Variants in DNASE2B observed in about 807,000 individuals in gnomAD.
The protein encoded by DNASE2B is deoxyribonuclease 2 beta.
In DNASE2B, 43 loss-of-function variants were observed where a neutral mutation model predicts 46.0. That is an observed-to-expected ratio of 0.94 (90% CI 0.73 to 1.21). DNASE2B has a LOEUF of 1.21. DNASE2B is among the 50% of genes most tolerant of loss of function. DNASE2B has a pLI of 0.00. For synonymous variants in DNASE2B, 156 were observed against 152.5 expected (o/e 1.02, Z -0.17); for missense variants, 395 against 414.4 (o/e 0.95, Z 0.41).
intron 3 of DNASE2B, among the ~76,000 whole-genome samples, 189 bp from the exon 4 acceptor site, chr1:84,410,648 TA>T (rs779075257): frequency 1.1e-4 from 16 of 152,236 alleles, no homozygotes; most frequent in Non-Finnish European, 2.2e-4. Flanking sequence ...TTTTTATCAG[TA>T]ATCAGGCAAT....
At chr1:84,403,425 A>G (rs558269334) in intron 2 of DNASE2B, among the ~76,000 whole-genome samples, 1 of 152,320 alleles carries the variant, frequency 6.6e-6, no homozygotes, top group Non-Finnish European at 1.5e-5. Flanking sequence ...TTATTAAGAG[A>G]ATCATTAAGG....
At chr1:84,414,329 T>C (rs1680654409) in intron 5 of DNASE2B, among the ~76,000 whole-genome samples, 199 bp from the exon 6 acceptor site, 1 of 152,242 alleles carries the variant, frequency 6.6e-6, no homozygotes. Context: ...ATAGTAATGA[T>C]GATAATAACT....
At chr1:84,402,554 A>T (rs1438381482) in intron 2 of DNASE2B, among the ~76,000 whole-genome samples, 1 of 152,184 alleles carries the variant, frequency 6.6e-6, no homozygotes, top group Non-Finnish European at 1.5e-5. Context: ...TTTCAAAATG[A>T]TATGTTGAAA....
intron 3 of DNASE2B, among the ~76,000 whole-genome samples, chr1:84,409,599 C>T (rs1342332955): frequency 6.6e-6 from 1 of 152,090 alleles, no homozygotes; most frequent in African/African-American, 2.4e-5. Context: ...ACTTTGAAAG[C>T]TTTTTATTTA....
chr1:84,405,335 A>C (rs1457297517), intron 2 of DNASE2B, among the ~76,000 whole-genome samples: 1 of 152,222 alleles, frequency 6.6e-6, no homozygotes, highest in Non-Finnish European at 1.5e-5. Flanking sequence ...CTATAAAAGT[A>C]TTTTGTAAAA....
intron 1 of DNASE2B, 108 bp downstream of exon 1, chr1:84,398,797 T>G: frequency 6.8e-7 from 1 of 1,479,972 alleles, no homozygotes; most frequent in South Asian, 1.3e-5. Context: ...TTTCCTCCCT[T>G]TACAAATAAA....
At chr1:84,402,613 T>C (rs1035506774) in intron 2 of DNASE2B, among the ~76,000 whole-genome samples, 2 of 152,192 alleles carry the variant, frequency 1.3e-5, no homozygotes, top group African/African-American at 2.4e-5. Context: ...TGGATGGAGA[T>C]TATCCCTGCT....
chr1:84,411,141 G>T, intron 4 of DNASE2B, 142 bp downstream of exon 4: 1 of 1,087,982 alleles, frequency 9.2e-7, no homozygotes, highest in South Asian at 1.5e-5. Context: ...CTTTGCCATG[G>T]TGAGGTCTTG....
intron 3 of DNASE2B, among the ~76,000 whole-genome samples, chr1:84,409,587 G>A (rs1680552830): frequency 6.6e-6 from 1 of 152,182 alleles, no homozygotes; most frequent in Non-Finnish European, 1.5e-5. Context: ...CAAAGGTCAT[G>A]AACTTTGAAA....
intron 1 of DNASE2B, among the ~76,000 whole-genome samples, chr1:84,401,047 A>G (rs922643692): frequency 1.3e-5 from 2 of 152,216 alleles, no homozygotes; most frequent in African/African-American, 4.8e-5. Context: ...TGTTTGGTGC[A>G]CTGTGAGTGT....
At chr1:84,398,791 C>T in intron 1 of DNASE2B, 102 bp downstream of exon 1, 1 of 1,491,116 alleles carries the variant, frequency 6.7e-7, no homozygotes, top group Non-Finnish European at 9.1e-7. Flanking sequence ...ATTCTCTTTC[C>T]TCCCTTTACA....
chr1:84,410,916 G>GCTATGATTAT lies in DNASE2B; in HGVS notation c.466_475dup (p.Pro159LeufsTer2). ...CAGTTTCCTCCAATTCCGGAAGAAG[G>GCTATGATTAT]CTATGATTATCCACCCACAGGGAGA... is the stretch of plus-strand genomic sequence containing the variant. On this transcript the variant is annotated frameshift_variant, in exon 4 of 6. Transcript: ENST00000370665. LOFTEE classifies it high-confidence loss of function. The GCTATGATTAT allele has an allele frequency of 1.2e-6, 2 of 1,613,288 alleles. No homozygotes were observed. Among genetic ancestry groups the GCTATGATTAT allele is most frequent in the South Asian group, 2.2e-5 (2 of 90,858 alleles).
At position 84,410,893 on chromosome 1, in the gene DNASE2B, G is replaced by A. The variant is rs1287816716; in HGVS notation, c.441G>A (p.Gln147=). The stretch of plus-strand genomic sequence containing the variant: ...TCTGGCTGATTCATTCCATCCCTCA[G>A]TTTCCTCCAATTCCGGAAGAAGGCT... ...QGFWLIHSIP[Q]FPPIPEEGYD... The change falls in exon 4 of 6, where the codon CAG becomes CAA. Residue 147 remains glutamine (Q), a synonymous_variant. Transcript: ENST00000370665. 6.2e-7 allele frequency: 1 copy of A among 1,613,538 alleles called. No homozygotes were observed. The highest frequency in any genetic ancestry group is 1.1e-5 in the South Asian group (1 of 90,962).
Position 84,414,551 on chromosome 1 carries a change from C to G in DNASE2B, c.769C>G (p.Gln257Glu). 6.2e-7 allele frequency: 1 copy of G among 1,612,102 alleles called. No homozygotes were observed. The highest frequency in any genetic ancestry group is 8.5e-7 in the Non-Finnish European group (1 of 1,179,056). The part of the protein sequence containing the change: ...LDDIFAAWMA[Q>E]RLKTHLLTET... Reference sequence around the variant, plus strand: ...AGACATCTTTGCAGCCTGGATGGCTCAACGGCTGAAGACACACTTGTTAAC... The same window carrying G: ...AGACATCTTTGCAGCCTGGATGGCTGAACGGCTGAAGACACACTTGTTAAC... Residue 257 changes from glutamine to glutamate, a missense_variant, in exon 6 of 6, where the codon CAA (glutamine) becomes GAA (glutamate). By Grantham distance (29) the Gln-to-Glu change is conservative. Transcript: ENST00000370665.
At position 84,408,249 on chromosome 1, in the gene DNASE2B, A is replaced by G. The variant is rs975677089; in HGVS notation, c.304-188A>G. ...AAAAATCATGCACAGTTAAAAATGG[A>G]CTTTCTTTCCCCTGTCTTTCATGTC... On this transcript the variant is annotated intron_variant, in intron 2 of 5. Transcript: ENST00000370665. 5.3e-5 allele frequency: 49 copies of G among 932,026 alleles called. No homozygotes were observed. The Admixed American group carries it at 6.6e-4, about 13-fold the overall frequency. The allele number at this position is 932,026 out of a possible 1,614,324, so 57.7% of individuals were successfully genotyped here. A position where few individuals can be genotyped will look rare whatever the true frequency, so the allele number is the denominator to read the frequency against.
intron 5 of DNASE2B, among the ~76,000 whole-genome samples, chr1:84,412,949 T>C (rs1245757369): frequency 1.3e-5 from 2 of 151,162 alleles, no homozygotes; most frequent in African/African-American, 2.4e-5. Context: ...CACTTCTATA[T>C]GCTACCCCCC....
At chr1:84,411,583 C>T (rs1680599625) in intron 4 of DNASE2B, among the ~76,000 whole-genome samples, 2 of 151,830 alleles carry the variant, frequency 1.3e-5, no homozygotes, top group African/African-American at 4.8e-5. Context: ...TTGTAGGCCA[C>T]AAACATGACA....
Position 84,414,908 on chromosome 1 carries a change from G to C in DNASE2B, c.*40G>C, listed in dbSNP as rs758415977. ...CACAGGTACTATCATTGAAAACCTT[G>C]ACAATGGGTCTTCTTCCATTACACC... On this transcript the variant is annotated 3_prime_UTR_variant, in exon 6 of 6. Transcript: ENST00000370665. 6.9e-7 allele frequency: 1 copy of C among 1,446,722 alleles called. No homozygotes were observed. The highest frequency in any genetic ancestry group is 2.3e-5 in the East Asian group (1 of 43,622). The allele number at this position is 1,446,722 out of a possible 1,614,324, so 89.6% of individuals were successfully genotyped here.
chr1:84,414,894 T>A lies in DNASE2B; in HGVS notation c.*26T>A. 1.3e-6 allele frequency: 2 copies of A among 1,555,762 alleles called. No individual in the cohort carries two copies. The highest frequency in any genetic ancestry group is 2.3e-5 in the South Asian group (2 of 85,236). On this transcript the variant is annotated 3_prime_UTR_variant, in exon 6 of 6. Transcript: ENST00000370665. ...ACTTGGTGAAAGGACACAGGTACTA[T>A]CATTGAAAACCTTGACAATGGGTCT...
Sources: allele counts gnomAD v4.1 joint callset (sites outside exome capture counted in the v4.1 genomes callset), GRCh38; gene constraint gnomAD v4.1.1; transcripts MANE v1.5; gene names NCBI Gene and HGNC (gene_info 2026-07-23, HGNC 2026-07-21).